SPECC1: variants seen among roughly 807,000 people sequenced by gnomAD.
SPECC1 encodes sperm antigen with calponin homology and coiled-coil domains 1.
Under a neutral mutation model 104.1 loss-of-function variants are expected in SPECC1, and 62 were observed. The ratio of observed to expected loss-of-function variants is 0.60; its 90% CI spans 0.49 to 0.74. The LOEUF (loss-of-function observed/expected upper bound fraction) is 0.74. SPECC1 is among the 30% of genes least tolerant of loss of function. SPECC1 has a pLI of 0.00. For synonymous variants in SPECC1, 513 were observed against 501.6 expected, an observed-to-expected ratio of 1.02 and a Z score of -0.30; for missense variants, 1,306 against 1,310.5, an observed-to-expected ratio of 1.00 and a Z score of 0.05.
chr17:20,291,904 A>G (rs12938355), intron 12 of SPECC1, among the ~76,000 whole-genome samples: 64,044 of 148,626 alleles, frequency 0.43, 14,389 homozygotes, highest in East Asian at 0.8. Context: ...TTCTATTTAA[A>G]ATGTGGTCTT....
At position 20,205,765 on chromosome 17, in the gene SPECC1, G is replaced by A. The variant is rs1300609377; in HGVS notation, c.1716G>A (p.Glu572=). The A allele has an allele frequency of 6.2e-7, 1 of 1,614,124 alleles. No homozygotes were observed. Among genetic ancestry groups the A allele is most frequent in the African/African-American group, 1.3e-5 (1 of 74,946 alleles). ...KQKATEASAV[E]QTAESCEVQE... is the part of the protein sequence containing the mutation. ...AAGCCACAGAGGCCAGTGCTGTGGA[G>A]CAGACGGCAGAGAGCTGCGAAGTTC... is the stretch of plus-strand genomic sequence containing the variant. Residue 572 remains glutamate, a synonymous_variant, in exon 4 of 15, where the codon GAG becomes GAA. Coordinates refer to ENST00000395527, the MANE Select transcript of SPECC1 (RefSeq NM_001243439.2).
intron 3 of SPECC1, among the ~76,000 whole-genome samples, chr17:20,148,020 C>A (rs1249145276): frequency 3.3e-5 from 5 of 152,096 alleles, no homozygotes; most frequent in African/African-American, 9.7e-5. Flanking sequence ...CAAGCCTGGG[C>A]AATAGAGCAA....
intron 3 of SPECC1, among the ~76,000 whole-genome samples, chr17:20,203,708 G>A (rs1198072319): frequency 2.0e-5 from 3 of 152,190 alleles, no homozygotes; most frequent in African/African-American, 7.2e-5. Context: ...CAAAGAACTT[G>A]TATTTTGTCA....
chr17:20,287,423 CAAAAAAAAAAAAAAAAAA>C (rs61713120), intron 12 of SPECC1, among the ~76,000 whole-genome samples: 3 of 98,042 alleles, frequency 3.1e-5, no homozygotes, highest in African/African-American at 4.2e-5. Flanking sequence ...GACTCCGTCT[CAAAAAAAAAAAAAAAAAA>C]AAAAAAAAAA....
At chr17:20,313,100 G>A (rs1007406802) in intron 14 of SPECC1, among the ~76,000 whole-genome samples, 8 of 152,194 alleles carry the variant, frequency 5.3e-5, no homozygotes, top group Non-Finnish European at 1.2e-4. Context: ...GTGCCTGACA[G>A]GATGCCCACC....
At chr17:20,228,271 C>T (rs2038355564) in intron 5 of SPECC1, among the ~76,000 whole-genome samples, 1 of 152,108 alleles carries the variant, frequency 6.6e-6, no homozygotes, top group Non-Finnish European at 1.5e-5. Context: ...TAGCTCACTG[C>T]AGCCTCAAAC....
intron 3 of SPECC1, among the ~76,000 whole-genome samples, chr17:20,180,664 G>A (rs2034817567): frequency 6.6e-6 from 1 of 152,230 alleles, no homozygotes; most frequent in Non-Finnish European, 1.5e-5. Flanking sequence ...GATAATGCAT[G>A]TCTTGCCTAA....
intron 1 of SPECC1, among the ~76,000 whole-genome samples, chr17:20,025,546 C>T (rs113640983): frequency 6.6e-6 from 1 of 152,174 alleles, no homozygotes. Context: ...CTGGATGTCA[C>T]TCCTTGTATG....
At chr17:20,062,056 C>T (rs1960309946) in intron 1 of SPECC1, among the ~76,000 whole-genome samples, 1 of 151,926 alleles carries the variant, frequency 6.6e-6, no homozygotes, top group Non-Finnish European at 1.5e-5. Context: ...TCAAGACCAT[C>T]CTGGCTAGCA....
intron 1 of SPECC1, among the ~76,000 whole-genome samples, chr17:20,021,034 ATTC>A (rs2044355003): frequency 6.6e-6 from 1 of 152,232 alleles, no homozygotes; most frequent in Non-Finnish European, 1.5e-5. Flanking sequence ...TATGTACCAT[ATTC>A]TTAGAATAAT....
intron 2 of SPECC1, among the ~76,000 whole-genome samples, chr17:20,099,132 A>G (rs1307037549): frequency 6.6e-6 from 1 of 152,154 alleles, no homozygotes; most frequent in Non-Finnish European, 1.5e-5. Flanking sequence ...CATAAGGAGT[A>G]AATGTGGGTA....
chr17:20,041,826 C>T (rs1378544220), intron 1 of SPECC1, among the ~76,000 whole-genome samples: 1 of 151,446 alleles, frequency 6.6e-6, no homozygotes, highest in African/African-American at 2.4e-5. Flanking sequence ...GGGGTTTCAC[C>T]GTGTTAGCCA....
At chr17:20,128,724 G>C (rs1298811396) in intron 3 of SPECC1, among the ~76,000 whole-genome samples, 1 of 151,700 alleles carries the variant, frequency 6.6e-6, no homozygotes, top group Non-Finnish European at 1.5e-5. Context: ...CTTCCCCCAA[G>C]TTCTACTTTA....
chr17:20,224,380 G>A (rs927632922), intron 4 of SPECC1, among the ~76,000 whole-genome samples: 3 of 152,182 alleles, frequency 2.0e-5, no homozygotes, highest in South Asian at 2.1e-4. Flanking sequence ...CCCAAGGGCC[G>A]TTTAATTAGC....
At chr17:20,151,773 G>T (rs774917586) in intron 3 of SPECC1, among the ~76,000 whole-genome samples, 4 of 152,202 alleles carry the variant, frequency 2.6e-5, no homozygotes, top group Non-Finnish European at 4.4e-5. Flanking sequence ...CCATGGCTGG[G>T]CATGGTGGCT....
intron 1 of SPECC1, among the ~76,000 whole-genome samples, chr17:20,080,801 C>T (rs1017451781): frequency 1.3e-5 from 2 of 152,126 alleles, no homozygotes; most frequent in African/African-American, 4.8e-5. Context: ...CTTTTTTGAA[C>T]TGGCTTGGGA....
intron 3 of SPECC1, among the ~76,000 whole-genome samples, chr17:20,170,511 G>T (rs1045985681): frequency 6.6e-6 from 1 of 152,140 alleles, no homozygotes; most frequent in Non-Finnish European, 1.5e-5. Flanking sequence ...GAAATCCTGA[G>T]CCAGTGGAAC....
Position 20,260,295 on chromosome 17 carries a change from G to T in SPECC1, c.2940+1G>T. ...CCAGAAGAAGACACAAGGTTATGCG[G>T]TAAGGGACAACATCAGCCAACTTCC... On this transcript the variant is annotated splice_donor_variant, in intron 12 of 14. Transcript: ENST00000395527. LOFTEE classifies it high-confidence loss of function. The T allele has an allele frequency of 6.2e-7, 1 of 1,613,302 alleles. No homozygotes were observed. The highest frequency in any genetic ancestry group is 8.5e-7 in the Non-Finnish European group (1 of 1,179,408).
chr17:20,287,395 G>T (rs1351084263), intron 12 of SPECC1, among the ~76,000 whole-genome samples: 7 of 141,250 alleles, frequency 5.0e-5, no homozygotes, highest in African/African-American at 1.9e-4. Context: ...CCGCAGTCCG[G>T]CCTGGGCGAC....
Sources: allele counts gnomAD v4.1 joint callset (sites outside exome capture counted in the v4.1 genomes callset), GRCh38; gene constraint gnomAD v4.1.1; transcripts MANE v1.5; gene names NCBI Gene and HGNC (gene_info 2026-07-23, HGNC 2026-07-21).